The following SLC41A2 variants were observed in gnomAD, a reference collection of about 807,000 sequenced individuals.
SLC41A2 encodes solute carrier family 41 member 2, also known as SLC41A1-like 1.
SLC41A2 carries 32 observed loss-of-function variants against 58.3 expected under a neutral mutation model. That is an observed-to-expected ratio of 0.55 (90% confidence interval 0.41 to 0.74). The LOEUF is 0.74. SLC41A2 is among the 30% of genes least tolerant of loss of function. SLC41A2 has a pLI of 0.00. For missense variants in SLC41A2, 514 were observed against 680.6 expected (o/e 0.76, Z 2.72); for synonymous variants, 190 against 235.0 (o/e 0.81, Z 1.75).
At chr12:104,903,785 A>G (rs1324281307) in intron 3 of SLC41A2, among the ~76,000 whole-genome samples, 1 of 152,174 alleles carries the variant, frequency 6.6e-6, no homozygotes, top group Non-Finnish European at 1.5e-5. Context: ...CTCTCAACCA[A>G]TGGAAGCTGG....
In SLC41A2 at chr12:104,941,378, T is replaced by A. The variant is rs147553151; in HGVS notation, c.-167-12684A>T. 7.8e-3 allele frequency among the ~76,000 whole-genome samples: 1,187 copies of A among 152,292 alleles called. 14 individuals carry two copies. Among genetic ancestry groups the A allele is most frequent in the African/African-American group, 0.026 (1,090 of 41,560 alleles). ...TTGTTTAAGCCTACAGAATAATGGA[T>A]CCATTGAATAAATCCTCTATATAAT... On this transcript the variant is annotated intron_variant, in intron 1 of 10. Transcript: ENST00000258538.
chr12:104,941,991 G>T (rs2047527866), intron 1 of SLC41A2, among the ~76,000 whole-genome samples: 1 of 152,166 alleles, frequency 6.6e-6, no homozygotes, highest in South Asian at 2.1e-4. Flanking sequence ...AAGTATTAGT[G>T]TTGCTGTTTG....
intron 1 of SLC41A2, among the ~76,000 whole-genome samples, chr12:104,949,016 G>C (rs1241142179): frequency 6.6e-6 from 1 of 152,124 alleles, no homozygotes; most frequent in Non-Finnish European, 1.5e-5. Flanking sequence ...AGGAGTTCGA[G>C]ACCAGCCTGA....
chr12:104,842,845 C>G (rs748554834), intron 10 of SLC41A2, among the ~76,000 whole-genome samples: 15 of 152,012 alleles, frequency 9.9e-5, no homozygotes, highest in Non-Finnish European at 2.2e-4. Flanking sequence ...TGGCACAGAA[C>G]CATAAACATA....
At chr12:104,817,249 G>C (rs1469219614) in intron 10 of SLC41A2, among the ~76,000 whole-genome samples, 1 of 152,158 alleles carries the variant, frequency 6.6e-6, no homozygotes, top group Admixed American at 6.5e-5. Flanking sequence ...TTACCATGTA[G>C]GGCACTTACC....
chr12:104,869,460 G>T (rs10861285), intron 6 of SLC41A2, among the ~76,000 whole-genome samples: 11,293 of 152,196 alleles, frequency 0.074, 479 homozygotes, highest in Middle Eastern at 0.11. Flanking sequence ...GGTGAATCCA[G>T]ATAAAGAGTA....
rs758973052 is a variant in SLC41A2 at position 104,861,388 on chromosome 12, A to C, written c.1176-18T>G. ...CCCCAATGCTGAAAGAGATAAAATT[A>C]TATAATTTAGAGAAGAGGGAAGAGA... On this transcript the variant is annotated intron_variant, in intron 7 of 10. Coordinates refer to ENST00000258538, the MANE Select transcript of SLC41A2 (RefSeq NM_001352171.3). The C allele has an allele frequency of 1.3e-6, 2 of 1,581,230 alleles. No homozygotes were observed. The highest frequency in any genetic ancestry group is 1.7e-6 in the Non-Finnish European group (2 of 1,151,724).
intron 3 of SLC41A2, among the ~76,000 whole-genome samples, chr12:104,897,436 C>T (rs980344043): frequency 1.3e-5 from 2 of 151,950 alleles, no homozygotes; most frequent in East Asian, 3.9e-4. Flanking sequence ...TGAGCCACCA[C>T]ACCCAGTGTC....
chr12:104,917,255 C>T (rs199508238), intron 2 of SLC41A2, among the ~76,000 whole-genome samples: 5,749 of 150,772 alleles, frequency 0.038, 138 homozygotes, highest in East Asian at 0.1. Flanking sequence ...CAGAGAAATG[C>T]AAATCAAAAC....
At chr12:104,948,063 T>C (rs1012358039) in intron 1 of SLC41A2, among the ~76,000 whole-genome samples, 2 of 152,174 alleles carry the variant, frequency 1.3e-5, no homozygotes, top group Non-Finnish European at 2.9e-5. Context: ...AAATTGTTAT[T>C]ATGGAAATTC....
In SLC41A2 at chr12:104,817,291, T is replaced by C. The variant is rs530536308; in HGVS notation, c.1537-11954A>G. Among the ~76,000 whole-genome samples the C allele has an allele frequency of 5.3e-5, 8 of 152,292 alleles. No homozygotes were observed. In the South Asian group the frequency reaches 1.7e-3, roughly 32 times the overall value. On this transcript the variant is annotated intron_variant, in intron 10 of 10. Coordinates refer to ENST00000258538, the MANE Select transcript of SLC41A2 (RefSeq NM_001352171.3). ...GAAGATTGCAGGACTGGAAGTTGCTTTGGGTGAGTCAGTGAATGAGTAGTA... is the reference window on the plus strand; with the variant it reads ...GAAGATTGCAGGACTGGAAGTTGCTCTGGGTGAGTCAGTGAATGAGTAGTA...
rs991009650 is a variant in SLC41A2, at chr12:104,861,313, A to G, written c.1233T>C (p.Val411=). 1 of 1,613,124 alleles carries G rather than the reference A, an allele frequency of 6.2e-7. No homozygotes were observed. Among genetic ancestry groups the G allele is most frequent in the Non-Finnish European group, 8.5e-7 (1 of 1,179,330 alleles). ...TVSDPNLVGI[V]VYTPVINGIG... ...TACCATTAATAACTGGCGTGTAAAC[A>G]ACAATCCCAACCAAGTTTGGGTCTG... is the stretch of plus-strand genomic sequence containing the variant. Residue 411 remains valine, a synonymous_variant, in exon 8 of 11, where the codon GTT becomes GTC. Transcript: ENST00000258538.
intron 8 of SLC41A2, among the ~76,000 whole-genome samples, chr12:104,853,915 T>TATTATTA (rs1565842625): frequency 4.0e-5 from 5 of 125,026 alleles, no homozygotes; most frequent in Admixed American, 8.5e-5. Context: ...TGGCTGATTT[T>TATTATTA]TTTTTTTTTT....
chr12:104,942,066 G>A (rs982195804), intron 1 of SLC41A2, among the ~76,000 whole-genome samples: 3 of 152,052 alleles, frequency 2.0e-5, no homozygotes, highest in African/African-American at 7.2e-5. Flanking sequence ...TTGAAGTTGA[G>A]AAAGTGCTTT....
chr12:104,909,195 G>A (rs978913045), intron 3 of SLC41A2, among the ~76,000 whole-genome samples: 2 of 152,142 alleles, frequency 1.3e-5, no homozygotes, highest in African/African-American at 4.8e-5. Context: ...TAGATATGCA[G>A]GTATAGAAGG....
chr12:104,892,658 C>T (rs2045069273), intron 4 of SLC41A2, among the ~76,000 whole-genome samples: 1 of 152,108 alleles, frequency 6.6e-6, no homozygotes, highest in African/African-American at 2.4e-5. Flanking sequence ...TAAAAACAGA[C>T]ACAAACCAAT....
At chr12:104,953,607 G>A (rs902760625) in intron 1 of SLC41A2, among the ~76,000 whole-genome samples, 4 of 152,182 alleles carry the variant, frequency 2.6e-5, no homozygotes, top group Non-Finnish European at 5.9e-5. Flanking sequence ...AAGCTCCTTA[G>A]GACAGGACTT....
chr12:104,952,824 G>A (rs1193676125), intron 1 of SLC41A2, among the ~76,000 whole-genome samples: 3 of 152,106 alleles, frequency 2.0e-5, no homozygotes, highest in African/African-American at 7.2e-5. Context: ...CTTTCCACAT[G>A]TTCTTTTTGC....
intron 10 of SLC41A2, among the ~76,000 whole-genome samples, chr12:104,833,661 C>A (rs2136288621): frequency 6.6e-6 from 1 of 152,132 alleles, no homozygotes; most frequent in Middle Eastern, 3.4e-3. Flanking sequence ...AATTTAATTA[C>A]CTTTGTTACA....
Sources: allele counts gnomAD v4.1 joint callset (sites outside exome capture counted in the v4.1 genomes callset), GRCh38; gene constraint gnomAD v4.1.1; transcripts MANE v1.5; gene names NCBI Gene and HGNC (gene_info 2026-07-23, HGNC 2026-07-21).